Variants in PTPRT observed in about 807,000 individuals in gnomAD.
PTPRT encodes receptor-type tyrosine-protein phosphatase T.
PTPRT carries 56 observed loss-of-function variants against 176.8 expected under a neutral mutation model. The ratio of observed to expected loss-of-function variants is 0.32; its 90% CI spans 0.26 to 0.40. The LOEUF (loss-of-function observed/expected upper bound fraction) is 0.40. Ranked by LOEUF, PTPRT falls within the 10% of genes least tolerant of loss-of-function variation. The pLI, the probability that PTPRT is intolerant of heterozygous loss-of-function variation, is 1.00. For synonymous variants in PTPRT, 783 were observed against 739.0 expected (o/e 1.06, Z -0.96); for missense variants, 1,540 against 1,908.2 (o/e 0.81, Z 3.60).
intron 15 of PTPRT, among the ~76,000 whole-genome samples, chr20:42,200,076 A>T (rs1387867870): frequency 6.6e-6 from 1 of 151,906 alleles, no homozygotes; most frequent in Non-Finnish European, 1.5e-5. Context: ...ACACACACAC[A>T]CACACAGAGG....
chr20:42,364,332 T>C (rs967068020), intron 9 of PTPRT, among the ~76,000 whole-genome samples: 5 of 152,124 alleles, frequency 3.3e-5, no homozygotes, highest in Admixed American at 3.3e-4. Flanking sequence ...ATAGAATTGA[T>C]TTTCTCCCCC....
chr20:43,076,053 T>C (rs2011266580), intron 1 of PTPRT, among the ~76,000 whole-genome samples: 1 of 152,232 alleles, frequency 6.6e-6, no homozygotes, highest in Non-Finnish European at 1.5e-5. Flanking sequence ...TTAAATCTCC[T>C]ACTTAAAAAT....
intron 8 of PTPRT, among the ~76,000 whole-genome samples, chr20:42,461,471 A>G (rs2071018798): frequency 1.3e-5 from 2 of 152,188 alleles, no homozygotes; most frequent in South Asian, 4.1e-4. Context: ...CAGGAGTCAG[A>G]GGATACAGTG....
intron 17 of PTPRT, among the ~76,000 whole-genome samples, chr20:42,155,591 T>C (rs1399267047): frequency 1.3e-5 from 2 of 152,212 alleles, no homozygotes; most frequent in Non-Finnish European, 2.9e-5. Context: ...GAATACTTAA[T>C]GAATGTTATA....
chr20:42,947,203 T>C (rs1415243134), intron 1 of PTPRT, among the ~76,000 whole-genome samples: 2 of 152,210 alleles, frequency 1.3e-5, no homozygotes, highest in Non-Finnish European at 2.9e-5. Flanking sequence ...CACAGGCAGC[T>C]GGCATGATGG....
At chr20:42,157,136 T>C (rs1989391363) in intron 17 of PTPRT, among the ~76,000 whole-genome samples, 1 of 152,176 alleles carries the variant, frequency 6.6e-6, no homozygotes, top group South Asian at 2.1e-4. Flanking sequence ...GATATATTAC[T>C]CTCTGGATCT....
rs145707524 is a variant in PTPRT at position 42,206,104 on chromosome 20, G to C, written c.2343-6716C>G. Among the ~76,000 whole-genome samples the C allele has an allele frequency of 4.4e-3, 663 of 152,228 alleles. 6 individuals carry two copies. The highest frequency in any genetic ancestry group is 4.6e-3 in the Non-Finnish European group (311 of 67,988). On this transcript the variant is annotated intron_variant, in intron 15 of 30. Coordinates refer to ENST00000373187, the MANE Select transcript of PTPRT (RefSeq NM_007050.6). Reference sequence around the variant, plus strand: ...CCACATTCCTCCATGCTTCTTCTAGGGATTTGCCCTTCCAGATTAGAAGGG... The same window carrying C: ...CCACATTCCTCCATGCTTCTTCTAGCGATTTGCCCTTCCAGATTAGAAGGG...
chr20:42,113,500 C>T (rs1039396297), intron 22 of PTPRT, among the ~76,000 whole-genome samples: 6 of 152,222 alleles, frequency 3.9e-5, no homozygotes, highest in African/African-American at 1.4e-4. Context: ...CTGGCCCACC[C>T]TGGAGGTTAC....
intron 1 of PTPRT, among the ~76,000 whole-genome samples, chr20:43,031,741 G>C (rs574008433): frequency 6.6e-6 from 1 of 152,128 alleles, no homozygotes; most frequent in South Asian, 2.1e-4. Flanking sequence ...TCTATACAGG[G>C]GCCACACCAC....
At chr20:42,333,688 C>A (rs1379767072) in intron 11 of PTPRT, among the ~76,000 whole-genome samples, 2 of 150,676 alleles carry the variant, frequency 1.3e-5, no homozygotes, top group Non-Finnish European at 3.0e-5. Flanking sequence ...GGCTTTAATT[C>A]CTTTTCTTGA....
chr20:42,127,653 CA>C (rs551233916), intron 19 of PTPRT, among the ~76,000 whole-genome samples: 2 of 152,158 alleles, frequency 1.3e-5, no homozygotes, highest in South Asian at 4.1e-4. Context: ...TGCCATTCTT[CA>C]AGACCCATGG....
intron 6 of PTPRT, among the ~76,000 whole-genome samples, chr20:42,746,222 G>T (rs906156545): frequency 2.6e-5 from 4 of 152,158 alleles, no homozygotes; most frequent in African/African-American, 9.7e-5. Context: ...TGCCCATATA[G>T]ATTACAATAT....
chr20:42,363,920 G>C (rs1465318812), intron 9 of PTPRT, among the ~76,000 whole-genome samples: 1 of 152,052 alleles, frequency 6.6e-6, no homozygotes, highest in African/African-American at 2.4e-5. Flanking sequence ...CCAGGGCCTG[G>C]GAGACCAAAA....
chr20:42,449,716 A>G (rs1254048388), intron 8 of PTPRT, among the ~76,000 whole-genome samples: 1 of 152,202 alleles, frequency 6.6e-6, no homozygotes, highest in African/African-American at 2.4e-5. Flanking sequence ...TCATCACGCT[A>G]CGCCTCTCTA....
chr20:42,698,101 C>T (rs2075911546), intron 6 of PTPRT, among the ~76,000 whole-genome samples: 1 of 152,118 alleles, frequency 6.6e-6, no homozygotes, highest in African/African-American at 2.4e-5. Flanking sequence ...TCCTCTCCTA[C>T]CTTTGATTCC....
chr20:42,385,699 G>A (rs1297046999), intron 9 of PTPRT, among the ~76,000 whole-genome samples: 1 of 152,162 alleles, frequency 6.6e-6, no homozygotes, highest in African/African-American at 2.4e-5. Context: ...GGAAGGCAAG[G>A]AGGAGCAAAG....
At chr20:42,918,146 C>T (rs147286553) in intron 1 of PTPRT, among the ~76,000 whole-genome samples, 1 of 152,014 alleles carries the variant, frequency 6.6e-6, no homozygotes, top group South Asian at 2.1e-4. Flanking sequence ...CCAGGGCCAT[C>T]ATTTTCTATC....
intron 1 of PTPRT, among the ~76,000 whole-genome samples, chr20:43,152,307 C>T (rs1242525659): frequency 6.6e-6 from 1 of 152,064 alleles, no homozygotes; most frequent in African/African-American, 2.4e-5. Flanking sequence ...GTCTTTTTCC[C>T]CTAGTATCTT....
At chr20:42,324,781 G>A (rs2057858022) in intron 11 of PTPRT, among the ~76,000 whole-genome samples, 2 of 152,148 alleles carry the variant, frequency 1.3e-5, no homozygotes, top group Admixed American at 1.3e-4. Context: ...ATATGTCTTA[G>A]TTAGCCAACC....
Sources: gnomAD v4.1 joint callset for allele counts (sites outside exome capture counted in the v4.1 genomes callset) on GRCh38, gnomAD v4.1.1 for gene constraint, MANE v1.5 for transcripts, NCBI Gene and HGNC (gene_info 2026-07-23, HGNC 2026-07-21) for gene names.